KIF25: variants seen among roughly 807,000 people sequenced by gnomAD.
KIF25 encodes the protein kinesin-like protein KIF25.
Under a neutral mutation model 32.9 loss-of-function variants are expected in KIF25, and 19 were observed. The observed-to-expected ratio is 0.58, with a 90% CI of 0.40 to 0.85. The LOEUF (loss-of-function observed/expected upper bound fraction) is 0.85, where lower values mean the gene tolerates loss of function less well. Among genes scored for constraint, KIF25 ranks in the 40% least tolerant of loss-of-function variants. KIF25 has a pLI of 0.00. For synonymous variants in KIF25, 225 were observed against 213.7 expected (o/e 1.05, Z -0.46); for missense variants, 485 against 507.0 (o/e 0.96, Z 0.42).
chr6:168,036,939 G>T (rs977387832), intron 8 of KIF25, among the ~76,000 whole-genome samples: 2 of 152,200 alleles, frequency 1.3e-5, no homozygotes, highest in Non-Finnish European at 2.9e-5. Flanking sequence ...GTGCATGCCT[G>T]TAATGTCAGC....
At chr6:168,037,541 G>T (rs1430594257) in intron 8 of KIF25, among the ~76,000 whole-genome samples, 1 of 152,180 alleles carries the variant, frequency 6.6e-6, no homozygotes, top group Non-Finnish European at 1.5e-5. Flanking sequence ...GTTGGAAGGG[G>T]AGTTTTGTCA....
chr6:168,035,353 C>A (rs145043228), intron 8 of KIF25, among the ~76,000 whole-genome samples: 38 of 118,596 alleles, frequency 3.2e-4, no homozygotes, highest in Non-Finnish European at 6.2e-4. Flanking sequence ...GTACATTCCA[C>A]GGCTGCGTTT....
At chr6:168,038,818 A>C in intron 9 of KIF25, 89 bp downstream of exon 9, 2 of 1,354,232 alleles carry the variant, frequency 1.5e-6, no homozygotes, top group South Asian at 1.3e-5. Flanking sequence ...CACGTCTCTA[A>C]ACGAGCTCCC....
At chr6:168,033,735 A>T in intron 7 of KIF25, 147 bp from the exon 8 acceptor site, 1 of 852,426 alleles carries the variant, frequency 1.2e-6, no homozygotes, top group Non-Finnish European at 1.8e-6. Flanking sequence ...AGTTGTAGTT[A>T]AATGAAAACC....
rs768997425 is a variant in KIF25, at chr6:168,038,746, C to T, written c.494+17C>T. On this transcript the variant is annotated intron_variant, in intron 9 of 12. Transcript: ENST00000643607. ...GGCCTCTGAGTGAGTACTGCACCTG[C>T]CCCGTGCTGCTGGCCTCTGAGTGAG... 2 of 1,608,494 alleles carry T rather than the reference C, an allele frequency of 1.2e-6. No individual in the cohort carries two copies. The highest frequency in any genetic ancestry group is 1.7e-6 in the Non-Finnish European group (2 of 1,176,690).
chr6:168,001,738 C>T (rs1798507660), intron 2 of KIF25, among the ~76,000 whole-genome samples: 1 of 83,318 alleles, frequency 1.2e-5, no homozygotes, highest in Non-Finnish European at 2.3e-5. Context: ...GGTGAGAAGA[C>T]ACCTTCAGGC....
intron 7 of KIF25, among the ~76,000 whole-genome samples, chr6:168,033,196 A>G (rs1220925797): frequency 1.3e-5 from 2 of 152,176 alleles, no homozygotes; most frequent in Non-Finnish European, 2.9e-5. Flanking sequence ...TACAAAATAC[A>G]AAATTTTTCT....
In KIF25 at chr6:168,042,103, G is replaced by C; in HGVS notation, c.781G>C (p.Val261Leu). The C allele has an allele frequency of 6.4e-7, 1 of 1,551,502 alleles. No homozygotes were observed. Among genetic ancestry groups the C allele is most frequent in the African/African-American group, 1.4e-5 (1 of 73,252 alleles). The change falls in exon 11 of 13, where the codon GTG (valine) becomes CTG (leucine). Residue 261 changes from valine to leucine, a missense_variant. Physicochemically the swap from Val to Leu is conservative, Grantham distance 32. Coordinates refer to ENST00000643607, the MANE Select transcript of KIF25 (RefSeq NM_030615.4). Reference sequence around the variant, plus strand: ...GAACCCCGCAGGGCATGCGGAGCAGGTGCAGGCTCGACTACAGCTCGTGGA... The same window carrying C: ...GAACCCCGCAGGGCATGCGGAGCAGCTGCAGGCTCGACTACAGCTCGTGGA... The part of the protein sequence containing the change: ...PGNPAGHAEQ[V>L]QARLQLVDSA...
intron 5 of KIF25, among the ~76,000 whole-genome samples, chr6:168,020,470 TAA>T (rs77182863): frequency 6.9e-6 from 1 of 145,028 alleles, no homozygotes; most frequent in Non-Finnish European, 1.5e-5. Context: ...TTTTTCTTAT[TAA>T]AAAAAAAAAA....
At chr6:168,027,587 G>A (rs1432870730) in intron 5 of KIF25, among the ~76,000 whole-genome samples, 1 of 152,156 alleles carries the variant, frequency 6.6e-6, no homozygotes, top group African/African-American at 2.4e-5. Context: ...AGCCTTGGGT[G>A]TGGCTGGACA....
At position 168,044,826 on chromosome 6, in the gene KIF25, G is replaced by T. The variant is rs1186926443; in HGVS notation, c.986-1G>T. ...TTGCATGTTGTTTTTCTATTTTAAA[G>T]GAGGCGATGCGAAGTTACTGGTGAT... On this transcript the variant is annotated splice_acceptor_variant, in intron 12 of 12. Coordinates refer to ENST00000643607, the MANE Select transcript of KIF25 (RefSeq NM_030615.4). LOFTEE classifies it high-confidence loss of function. 1 of 1,578,608 alleles carries T rather than the reference G, an allele frequency of 6.3e-7. No homozygotes were observed. Among genetic ancestry groups the T allele is most frequent in the Non-Finnish European group, 8.6e-7 (1 of 1,160,128 alleles).
intron 8 of KIF25, 56 bp downstream of exon 8, chr6:168,034,087 C>A: frequency 6.3e-7 from 1 of 1,593,650 alleles, no homozygotes; most frequent in South Asian, 1.1e-5. Context: ...GCCAGGCGGT[C>A]AGCACCTTGG....
At chr6:168,021,668 C>G (rs1051410194) in intron 5 of KIF25, among the ~76,000 whole-genome samples, 1 of 152,232 alleles carries the variant, frequency 6.6e-6, no homozygotes, top group Non-Finnish European at 1.5e-5. Flanking sequence ...ACTCCAAACC[C>G]ATTAAACACT....
chr6:168,030,914 C>A, intron 7 of KIF25, 67 bp downstream of exon 7: 1 of 1,260,942 alleles, frequency 7.9e-7, no homozygotes, highest in Non-Finnish European at 1.1e-6. Flanking sequence ...CTTCACTGTG[C>A]TGTGGAGTGA....
At chr6:168,009,251 T>G (rs1292278659) in intron 4 of KIF25, among the ~76,000 whole-genome samples, 1 of 97,538 alleles carries the variant, frequency 1.0e-5, no homozygotes, top group African/African-American at 2.9e-5. Flanking sequence ...CTATACCTAA[T>G]TTATTAAGAG....
chr6:168,016,079 C>A (rs3807058), intron 4 of KIF25, among the ~76,000 whole-genome samples: 30,540 of 151,944 alleles, frequency 0.2, 3,479 homozygotes, highest in East Asian at 0.27. Flanking sequence ...AAGTGGACAG[C>A]AGAAAAATGA....
intron 8 of KIF25, among the ~76,000 whole-genome samples, chr6:168,037,051 G>C (rs1165869257): frequency 6.6e-6 from 1 of 152,182 alleles, no homozygotes; most frequent in African/African-American, 2.4e-5. Context: ...GACAGAGCGA[G>C]ACTTTGTCTC....
At chr6:168,001,845 C>G (rs1455552633) in intron 2 of KIF25, among the ~76,000 whole-genome samples, 28 of 62,924 alleles carry the variant, frequency 4.4e-4, no homozygotes, top group African/African-American at 1.3e-3. Flanking sequence ...AAGACACCTT[C>G]AGGCGTAGCC....
At chr6:168,028,027 A>AC (rs939291827) in intron 5 of KIF25, among the ~76,000 whole-genome samples, 4 of 150,242 alleles carry the variant, frequency 2.7e-5, no homozygotes, top group South Asian at 2.1e-4. Flanking sequence ...TTCCAGAAGA[A>AC]CCCCCCTGTG....
Sources: gnomAD v4.1 joint callset for allele counts (sites outside exome capture counted in the v4.1 genomes callset) on GRCh38, gnomAD v4.1.1 for gene constraint, MANE v1.5 for transcripts, NCBI Gene and HGNC (gene_info 2026-07-23, HGNC 2026-07-21) for gene names.